CNN3: variants seen among roughly 807,000 people sequenced by gnomAD.
The protein encoded by CNN3 is calponin-3.
A neutral mutation model predicts 39.0 loss-of-function variants in CNN3; 11 were observed. That is an observed-to-expected ratio of 0.28 (90% CI 0.18 to 0.47). The LOEUF (loss-of-function observed/expected upper bound fraction) is 0.47. Ranked by LOEUF, CNN3 falls within the 20% of genes least tolerant of loss-of-function variation. The pLI is 0.99. For missense variants in CNN3, 266 were observed against 403.4 expected (o/e 0.66, Z 2.92); for synonymous variants, 101 against 138.3 (o/e 0.73, Z 1.89).
At chr1:94,921,988 C>G (rs1284018980) in intron 1 of CNN3, among the ~76,000 whole-genome samples, 1 of 152,194 alleles carries the variant, frequency 6.6e-6, no homozygotes, top group Non-Finnish European at 1.5e-5. Flanking sequence ...CAAATCCTTG[C>G]AGAGGACACC....
intron 1 of CNN3, among the ~76,000 whole-genome samples, chr1:94,913,851 A>G (rs917359989): frequency 3.3e-5 from 5 of 152,158 alleles, no homozygotes; most frequent in Admixed American, 6.5e-5. Flanking sequence ...CAGGCATGGA[A>G]AAATATCATG....
chr1:94,905,033 G>A (rs1377847153), intron 1 of CNN3, among the ~76,000 whole-genome samples: 2 of 152,072 alleles, frequency 1.3e-5, no homozygotes, highest in Non-Finnish European at 2.9e-5. Flanking sequence ...CACCACTCAC[G>A]GAGGAACCAA....
At position 94,897,571 on chromosome 1, in the gene CNN3, T is replaced by G; in HGVS notation, c.*171A>C. ...CTATTACAGCACTAAAAGGCAACTA[T>G]TGAGGGAAGAGGCAGAAAAAGGAAA... On this transcript the variant is annotated 3_prime_UTR_variant, in exon 7 of 7. Transcript: ENST00000370206. 1 of 602,776 alleles carries G rather than the reference T, an allele frequency of 1.7e-6. No homozygotes were observed. Among genetic ancestry groups the G allele is most frequent in the Non-Finnish European group, 2.9e-6 (1 of 344,416 alleles). 37.3% of individuals were successfully genotyped at this position (602,776 alleles called of 1,614,324 possible). A position where few individuals can be genotyped will look rare whatever the true frequency, so the allele number is the denominator to read the frequency against.
intron 5 of CNN3, among the ~76,000 whole-genome samples, chr1:94,900,371 G>A (rs1670831965): frequency 6.6e-6 from 1 of 152,084 alleles, no homozygotes; most frequent in African/African-American, 2.4e-5. Context: ...TTTAACCTAT[G>A]TGTCTATGTA....
intron 1 of CNN3, among the ~76,000 whole-genome samples, chr1:94,920,880 G>C (rs1408839082): frequency 1.3e-5 from 2 of 152,136 alleles, no homozygotes; most frequent in Non-Finnish European, 2.9e-5. Flanking sequence ...CAAACAACCT[G>C]GATCTACCTA....
At chr1:94,923,860 G>T (rs529330451) in intron 1 of CNN3, among the ~76,000 whole-genome samples, 1 of 152,298 alleles carries the variant, frequency 6.6e-6, no homozygotes, top group African/African-American at 2.4e-5. Context: ...CCACAACATG[G>T]TGTCTGGGGG....
intron 4 of CNN3, 123 bp from the exon 5 acceptor site, chr1:94,901,908 T>TAA: frequency 1.4e-6 from 1 of 731,320 alleles, no homozygotes; most frequent in Non-Finnish European, 2.3e-6. Flanking sequence ...TTAAGGCTGT[T>TAA]CAATAATATA....
chr1:94,914,481 T>A (rs912340836), intron 1 of CNN3, among the ~76,000 whole-genome samples: 4 of 152,058 alleles, frequency 2.6e-5, no homozygotes, highest in African/African-American at 9.7e-5. Context: ...ACCACCCGCA[T>A]CCCCATGCTC....
chr1:94,901,048 C>T (rs1670848958), intron 5 of CNN3, among the ~76,000 whole-genome samples: 1 of 151,988 alleles, frequency 6.6e-6, no homozygotes, highest in Non-Finnish European at 1.5e-5. Flanking sequence ...AGTGAGATCC[C>T]ATCTATATAT....
At chr1:94,925,057 T>C (rs1671543069) in intron 1 of CNN3, among the ~76,000 whole-genome samples, 1 of 152,254 alleles carries the variant, frequency 6.6e-6, no homozygotes, top group Non-Finnish European at 1.5e-5. Flanking sequence ...TTTCCTTGGA[T>C]CTGCTCAGTA....
rs1472065597 is a variant in CNN3 at position 94,926,372 on chromosome 1, G to A, written c.57+466C>T. On this transcript the variant is annotated intron_variant, in intron 1 of 6. Coordinates refer to ENST00000370206, the MANE Select transcript of CNN3 (RefSeq NM_001839.5). The surrounding 1 kb of genome is among the most constrained non-coding windows in gnomAD (Gnocchi z 4.2). ...GACATTAGGCGGTCTCTCTCCCCGT[G>A]GGGAGGCGCGGAGTCCGCCAGCACC... is the stretch of plus-strand genomic sequence containing the variant. Among the ~76,000 whole-genome samples the A allele has an allele frequency of 6.6e-6, 1 of 152,180 alleles. No individual in the cohort carries two copies. The highest frequency in any genetic ancestry group is 2.4e-5 in the African/African-American group (1 of 41,466).
intron 1 of CNN3, among the ~76,000 whole-genome samples, chr1:94,923,903 C>G (rs963467656): frequency 2.6e-5 from 4 of 152,148 alleles, no homozygotes; most frequent in African/African-American, 9.7e-5. Context: ...TTCTACAGAA[C>G]AGAAGCTAGG....
chr1:94,927,037 C>T lies in CNN3; in HGVS notation c.-143G>A, dbSNP rs11540278. ...GGAGGCGCAGGAGACGGCCGCGGGG[C>T]GCGGGCGGTGCCTGGGCGACTGGGT... On this transcript the variant is annotated 5_prime_UTR_variant, in exon 1 of 7. Coordinates refer to ENST00000370206, the MANE Select transcript of CNN3 (RefSeq NM_001839.5). 110,694 of 852,796 alleles carry T rather than the reference C, an allele frequency of 0.13. 8,180 individuals carry two copies. The highest frequency in any genetic ancestry group is 0.15 in the Non-Finnish European group (83,293 of 560,138). 52.8% of individuals were successfully genotyped at this position (852,796 alleles called of 1,614,324 possible). A position where few individuals can be genotyped will look rare whatever the true frequency, so the allele number is the denominator to read the frequency against.
intron 1 of CNN3, among the ~76,000 whole-genome samples, chr1:94,906,800 G>A (rs1671011583): frequency 6.6e-6 from 1 of 152,188 alleles, no homozygotes; most frequent in South Asian, 2.1e-4. Context: ...GATGGTGATG[G>A]TAATTCTCAT....
intron 1 of CNN3, among the ~76,000 whole-genome samples, chr1:94,907,720 T>C (rs534755520): frequency 1.2e-3 from 183 of 151,956 alleles, no homozygotes; most frequent in Non-Finnish European, 2.2e-3. Context: ...ATTAGACGGG[T>C]GTGGTGGCGG....
In CNN3 at chr1:94,897,148, C is replaced by T. The variant is rs1321034227; in HGVS notation, c.*594G>A. 6.5e-6 allele frequency: 1 copy of T among 152,896 alleles called. No individual in the cohort carries two copies. The highest frequency in any genetic ancestry group is 1.5e-5 in the Non-Finnish European group (1 of 68,198). 9.5% of individuals were successfully genotyped at this position (152,896 alleles called of 1,614,324 possible). A position where few individuals can be genotyped will look rare whatever the true frequency, so the allele number is the denominator to read the frequency against. On this transcript the variant is annotated 3_prime_UTR_variant, in exon 7 of 7. Transcript: ENST00000370206. ...ACTTTTGTACATGCTCTTTTAGAAA[C>T]ACCACTCTGAAAAGATCTTGTTCGC...
chr1:94,926,740 G>T lies in CNN3; in HGVS notation c.57+98C>A. 3.7e-6 allele frequency: 5 copies of T among 1,344,218 alleles called. No homozygotes were observed. Among genetic ancestry groups the T allele is most frequent in the Admixed American group, 2.0e-5 (1 of 50,112 alleles). The allele number at this position is 1,344,218 out of a possible 1,614,324, so 83.3% of individuals were successfully genotyped here. A position where few individuals can be genotyped will look rare whatever the true frequency, so the allele number is the denominator to read the frequency against. On this transcript the variant is annotated intron_variant, in intron 1 of 6. Transcript: ENST00000370206. This position sits in a 1 kb window ranked among gnomAD's most constrained non-coding sequence, Gnocchi z 4.2. ...CTCGACGGCCCCTCTCCAGGAAAAC[G>T]GTGAGCCACAGCGCGAAGAGCAAAC...
intron 1 of CNN3, among the ~76,000 whole-genome samples, chr1:94,917,360 T>C (rs1420735015): frequency 6.6e-6 from 1 of 152,082 alleles, no homozygotes; most frequent in African/African-American, 2.4e-5. Context: ...TAAAAAACTA[T>C]TATCAAATAA....
intron 1 of CNN3, among the ~76,000 whole-genome samples, chr1:94,905,558 C>G (rs1670976614): frequency 6.6e-6 from 1 of 152,176 alleles, no homozygotes; most frequent in South Asian, 2.1e-4. Flanking sequence ...ATCCTTTGCA[C>G]CCTTTACCCA....
Sources: allele counts gnomAD v4.1 joint callset (sites outside exome capture counted in the v4.1 genomes callset), GRCh38; gene constraint gnomAD v4.1.1; non-coding constraint Gnocchi (gnomAD v3.1); transcripts MANE v1.5; gene names NCBI Gene and HGNC (gene_info 2026-07-23, HGNC 2026-07-21).